Variants in PRKAG2 observed in about 807,000 individuals in gnomAD.
PRKAG2 encodes the protein 5'-AMP-activated protein kinase subunit gamma-2.
PRKAG2 carries 26 observed loss-of-function variants against 69.6 expected under a neutral mutation model. That is an observed-to-expected ratio of 0.37 (90% CI 0.27 to 0.52). The LOEUF (loss-of-function observed/expected upper bound fraction) is 0.52. PRKAG2 is among the 20% of genes least tolerant of loss of function. The pLI, the probability that PRKAG2 is intolerant of heterozygous loss-of-function variation, is 0.90. For synonymous variants in PRKAG2, 293 were observed against 285.0 expected (o/e 1.03, Z -0.28); for missense variants, 557 against 740.0 (o/e 0.75, Z 2.87).
chr7:151,597,577 A>T (rs1488859535), intron 5 of PRKAG2, among the ~76,000 whole-genome samples: 1 of 152,256 alleles, frequency 6.6e-6, no homozygotes, highest in Non-Finnish European at 1.5e-5. Context: ...ACAACTCAAC[A>T]GCAGGAAAAA....
rs561592965 is a variant in PRKAG2, at chr7:151,557,401, A to G, written c.1679-169T>C. On this transcript the variant is annotated intron_variant, in intron 15 of 15. Transcript: ENST00000287878. ...GGCCCAAGCTCCCATCTCCCACCCA[A>G]TCGTTCGGGCAGCTTGGATCCACGT... 2,815 of 985,294 alleles carry G rather than the reference A, an allele frequency of 2.9e-3. 6 individuals are homozygous for G. The highest frequency in any genetic ancestry group is 3.2e-3 in the Non-Finnish European group (2,681 of 829,900). The allele number at this position is 985,294 out of a possible 1,614,324, so 61.0% of individuals were successfully genotyped here. A position where few individuals can be genotyped will look rare whatever the true frequency, so the allele number is the denominator to read the frequency against.
chr7:151,737,868 C>G (rs1044232673), intron 3 of PRKAG2, among the ~76,000 whole-genome samples: 4 of 152,212 alleles, frequency 2.6e-5, no homozygotes, highest in Non-Finnish European at 5.9e-5. Flanking sequence ...AAGCTCAGCT[C>G]CCACCCCAGA....
At chr7:151,860,708 G>T (rs2079897655) in intron 1 of PRKAG2, among the ~76,000 whole-genome samples, 1 of 152,078 alleles carries the variant, frequency 6.6e-6, no homozygotes, top group Non-Finnish European at 1.5e-5. Context: ...AATGCCCCAA[G>T]GAGAAGAGGA....
Position 151,835,784 on chromosome 7 carries a change from G to A in PRKAG2, c.114+40723C>T, listed in dbSNP as rs2079133026. On this transcript the variant is annotated intron_variant, in intron 1 of 15. Coordinates refer to ENST00000287878, the MANE Select transcript of PRKAG2 (RefSeq NM_016203.4). This position sits in a 1 kb window ranked among gnomAD's most constrained non-coding sequence, Gnocchi z 4.1. ...TGGATCGGACATCCCGGGGGCTCTC[G>A]TGGGCAGCCTGGTGATGCCAGGAGG... Among the ~76,000 whole-genome samples, 1 of 152,198 alleles carries A rather than the reference G, an allele frequency of 6.6e-6. No individual in the cohort carries two copies. The highest frequency in any genetic ancestry group is 1.5e-5 in the Non-Finnish European group (1 of 68,036).
Position 151,864,715 on chromosome 7 carries a change from T to C in PRKAG2, c.114+11792A>G, listed in dbSNP as rs557782801. Among the ~76,000 whole-genome samples the C allele has an allele frequency of 1.5e-4, 23 of 152,220 alleles. 1 individual carries two copies. Among genetic ancestry groups the C allele is most frequent in the Admixed American group, 1.2e-3 (19 of 15,292 alleles). ...AAATATCTCCTCGGACACTCACTCATCTTCAGTGGTGCAAATGGGAGGGCT... is the reference window on the plus strand; with the variant it reads ...AAATATCTCCTCGGACACTCACTCACCTTCAGTGGTGCAAATGGGAGGGCT... On this transcript the variant is annotated intron_variant, in intron 1 of 15. Transcript: ENST00000287878.
chr7:151,621,033 A>G (rs1821368035), intron 5 of PRKAG2, among the ~76,000 whole-genome samples: 1 of 152,266 alleles, frequency 6.6e-6, no homozygotes, highest in African/African-American at 2.4e-5. Flanking sequence ...TTCTTAATCA[A>G]CAGAAGAATA....
intron 4 of PRKAG2, among the ~76,000 whole-genome samples, chr7:151,669,962 A>ACTTCCATCTACCACTCC (rs1831702963): frequency 7.3e-5 from 1 of 13,700 alleles, no homozygotes; most frequent in African/African-American, 3.7e-4. Context: ...CTTGTCACAC[A>ACTTCCATCTACCACTCC]CCTGCACACA....
chr7:151,656,879 G>A (rs1263922066), intron 4 of PRKAG2, among the ~76,000 whole-genome samples: 3 of 152,166 alleles, frequency 2.0e-5, no homozygotes, highest in Non-Finnish European at 4.4e-5. Context: ...GCTCACGCCT[G>A]TAATTCCAGC....
chr7:151,572,792 G>T lies in PRKAG2; in HGVS notation c.1006-83C>A, dbSNP rs553828202. ...TGGAAAATGAAACAAAACATAGCTT[G>T]GATAATAGCATTTTCTATTCGCAAT... On this transcript the variant is annotated intron_variant, in intron 8 of 15. Coordinates refer to ENST00000287878, the MANE Select transcript of PRKAG2 (RefSeq NM_016203.4). 7.7e-4 allele frequency: 688 copies of T among 896,066 alleles called. 5 individuals are homozygous for T. In the Middle Eastern group the frequency reaches 0.019, roughly 24 times the overall value. The allele number at this position is 896,066 out of a possible 1,614,324, so 55.5% of individuals were successfully genotyped here.
At chr7:151,712,521 A>G (rs1795493916) in intron 3 of PRKAG2, among the ~76,000 whole-genome samples, 1 of 152,150 alleles carries the variant, frequency 6.6e-6, no homozygotes, top group African/African-American at 2.4e-5. Flanking sequence ...TAACAAAACA[A>G]ATCTGCTCTT....
rs552849778 is a variant in PRKAG2 at position 151,747,124 on chromosome 7, C to T, written c.466+34028G>A. Among the ~76,000 whole-genome samples, 14 of 152,224 alleles carry T rather than the reference C, an allele frequency of 9.2e-5. 1 individual carries two copies. Among genetic ancestry groups the T allele is most frequent in the African/African-American group, 2.4e-4 (10 of 41,522 alleles). On this transcript the variant is annotated intron_variant, in intron 3 of 15. Transcript: ENST00000287878. ...GGAGACAGAGAGGGTGAGCAGAACTCGGGCAGAGGGCACAGACATCCTGCC... is the reference window on the plus strand; with the variant it reads ...GGAGACAGAGAGGGTGAGCAGAACTTGGGCAGAGGGCACAGACATCCTGCC...
At chr7:151,643,790 T>C (rs1274670587) in intron 4 of PRKAG2, among the ~76,000 whole-genome samples, 1 of 152,246 alleles carries the variant, frequency 6.6e-6, no homozygotes, top group African/African-American at 2.4e-5. Context: ...GTAGTGTCCC[T>C]TTTTGTTGTG....
intron 1 of PRKAG2, among the ~76,000 whole-genome samples, chr7:151,801,214 C>T (rs1317125105): frequency 6.6e-6 from 1 of 152,176 alleles, no homozygotes; most frequent in Non-Finnish European, 1.5e-5. Context: ...CCTTCTAGAA[C>T]ACAGAGAAAG....
chr7:151,565,691 T>C (rs1353928051), intron 12 of PRKAG2, 29 bp downstream of exon 12: 4 of 1,600,396 alleles, frequency 2.5e-6, no homozygotes, highest in Non-Finnish European at 3.4e-6. Flanking sequence ...AAACAATTAT[T>C]TCTGCCTGTC....
intron 3 of PRKAG2, among the ~76,000 whole-genome samples, chr7:151,732,321 T>C (rs1221491741): frequency 2.0e-5 from 3 of 151,886 alleles, no homozygotes; most frequent in African/African-American, 7.3e-5. Context: ...GTATTTTTCA[T>C]AGAGATGGGG....
At position 151,777,482 on chromosome 7, in the gene PRKAG2, TG is replaced by T. The variant is rs1563650445; in HGVS notation, c.466+3669del. On this transcript the variant is annotated intron_variant, in intron 3 of 15. Transcript: ENST00000287878. The surrounding 1 kb of genome is among the most constrained non-coding windows in gnomAD (Gnocchi z 4.3). ...GTTGCCTCCCTGCGGCAGTGAGTCC[TG>T]CTCTCTTAGCTGGGTGCTTTAAAGA... Among the ~76,000 whole-genome samples, 10 of 152,188 alleles carry T rather than the reference TG, an allele frequency of 6.6e-5. No individual in the cohort carries two copies. The highest frequency in any genetic ancestry group is 3.9e-4 in the Admixed American group (6 of 15,290).
chr7:151,682,381 C>T (rs953364745), intron 3 of PRKAG2, among the ~76,000 whole-genome samples: 6 of 152,062 alleles, frequency 3.9e-5, no homozygotes, highest in African/African-American at 1.4e-4. Context: ...GCCGGAACTC[C>T]AGGCAAATAC....
chr7:151,869,313 C>T (rs1054663348), intron 1 of PRKAG2, among the ~76,000 whole-genome samples: 2 of 152,124 alleles, frequency 1.3e-5, no homozygotes, highest in African/African-American at 4.8e-5. Flanking sequence ...TGTAGAGCCT[C>T]GTTTATATAA....
chr7:151,795,337 A>G (rs4076142), intron 1 of PRKAG2, among the ~76,000 whole-genome samples: 6,980 of 152,260 alleles, frequency 0.046, 201 homozygotes, highest in African/African-American at 0.071. Flanking sequence ...GAGGACCAGC[A>G]GCAGGCAGCC....
Sources: gnomAD v4.1 joint callset for allele counts (sites outside exome capture counted in the v4.1 genomes callset) on GRCh38, gnomAD v4.1.1 for gene constraint, Gnocchi (gnomAD v3.1) non-coding constraint, MANE v1.5 for transcripts, NCBI Gene and HGNC (gene_info 2026-07-23, HGNC 2026-07-21) for gene names.